TMEM63C: variants seen among roughly 807,000 people sequenced by gnomAD.
The protein encoded by TMEM63C is transmembrane protein 63C.
Under a neutral mutation model 99.2 loss-of-function variants are expected in TMEM63C, and 32 were observed. The observed-to-expected ratio is 0.32, with a 90% confidence interval of 0.24 to 0.43. The LOEUF (loss-of-function observed/expected upper bound fraction) is 0.43. TMEM63C is among the 20% of genes least tolerant of loss of function. TMEM63C has a pLI of 1.00. For synonymous variants in TMEM63C, 376 were observed against 397.9 expected, an observed-to-expected ratio of 0.94 and a Z score of 0.66; for missense variants, 826 against 1,053.0, an observed-to-expected ratio of 0.78 and a Z score of 2.98.
At chr14:77,256,483 C>A (rs754695178) in intron 23 of TMEM63C, 43 bp from the exon 24 acceptor site, 3 of 1,604,126 alleles carry the variant, frequency 1.9e-6, no homozygotes, top group Non-Finnish European at 2.6e-6. Context: ...GGCCTTGCCC[C>A]CAACGTGACC....
rs1889491219 is a variant in TMEM63C at position 77,257,618 on chromosome 14, A to G, written c.*892A>G. 6.6e-6 allele frequency: 1 copy of G among 152,190 alleles called. No individual in the cohort carries two copies. Among genetic ancestry groups the G allele is most frequent in the Non-Finnish European group, 1.5e-5 (1 of 68,046 alleles). The allele number at this position is 152,190 out of a possible 1,614,324, so 9.4% of individuals were successfully genotyped here. ...CCTCCCCAAGCCCCAGGGCCTAAAG[A>G]GAAGACCCCCGAAGCCAAAGATGTG... On this transcript the variant is annotated 3_prime_UTR_variant, in exon 24 of 24. Coordinates refer to ENST00000298351, the MANE Select transcript of TMEM63C (RefSeq NM_020431.4).
At chr14:77,188,515 A>G (rs1016066871) in intron 1 of TMEM63C, among the ~76,000 whole-genome samples, 1 of 152,218 alleles carries the variant, frequency 6.6e-6, no homozygotes, top group African/African-American at 2.4e-5. Context: ...AGAGAAACTC[A>G]CACATGTGCA....
At chr14:77,253,616 A>C (rs1889411355) in intron 23 of TMEM63C, among the ~76,000 whole-genome samples, 1 of 152,216 alleles carries the variant, frequency 6.6e-6, no homozygotes, top group Non-Finnish European at 1.5e-5. Context: ...ATTGTCTGGA[A>C]GGCACCTAGA....
intron 9 of TMEM63C, 116 bp downstream of exon 9, chr14:77,236,848 T>C: frequency 1.4e-6 from 1 of 726,806 alleles, no homozygotes; most frequent in Non-Finnish European, 2.4e-6. Context: ...CTGTGATAGA[T>C]GGGAGGGGGC....
chr14:77,240,714 C>T, intron 13 of TMEM63C, 106 bp downstream of exon 13: 1 of 1,392,918 alleles, frequency 7.2e-7, no homozygotes, highest in Non-Finnish European at 9.7e-7. Context: ...CCTGGGCCCT[C>T]CATGCTCGTC....
Position 77,248,992 on chromosome 14 carries a change from A to G in TMEM63C, c.1870+120A>G. ...GGGAGACCTGTGGTAGGGAGGGGTC[A>G]GGGCCAGGGCCAAGCTGGGGGTACA... On this transcript the variant is annotated intron_variant, in intron 20 of 23. Coordinates refer to ENST00000298351, the MANE Select transcript of TMEM63C (RefSeq NM_020431.4). The G allele has an allele frequency of 5.1e-6, 5 of 983,952 alleles. No homozygotes were observed. In the South Asian group the frequency reaches 6.7e-5, roughly 13 times the overall value. The allele number at this position is 983,952 out of a possible 1,614,324, so 61.0% of individuals were successfully genotyped here.
intron 7 of TMEM63C, 64 bp downstream of exon 7, chr14:77,231,794 T>C (rs1888948314): frequency 6.5e-7 from 1 of 1,537,096 alleles, no homozygotes; most frequent in Non-Finnish European, 8.8e-7. Context: ...GGCAAGCCAG[T>C]CAGGGCTGGG....
chr14:77,240,370 C>T (rs1594866591), intron 12 of TMEM63C, 105 bp from the exon 13 acceptor site: 1 of 1,387,382 alleles, frequency 7.2e-7, no homozygotes, highest in South Asian at 1.5e-5. Context: ...TGAGGTGCTT[C>T]AAGGCCACCA....
In TMEM63C at chr14:77,207,869, T is replaced by C. The variant is rs946553493; in HGVS notation, c.-76-5577T>C. 3.3e-5 allele frequency among the ~76,000 whole-genome samples: 5 copies of C among 152,244 alleles called. No homozygotes were observed. The East Asian group carries it at 9.6e-4, about 29-fold the overall frequency. On this transcript the variant is annotated intron_variant, in intron 1 of 23. Transcript: ENST00000298351. Reference sequence around the variant, plus strand: ...AGTATTCTCTATCAGCCTTTCCTTTTTTCAGTGTACTTCTGTCTTGAGCCT... The same window carrying C: ...AGTATTCTCTATCAGCCTTTCCTTTCTTCAGTGTACTTCTGTCTTGAGCCT...
Position 77,254,220 on chromosome 14 carries a change from A to G in TMEM63C, c.2220+844A>G, listed in dbSNP as rs141865728. On this transcript the variant is annotated intron_variant, in intron 23 of 23. Coordinates refer to ENST00000298351, the MANE Select transcript of TMEM63C (RefSeq NM_020431.4). ...GACCGGAGCTTGGGGGACTCAAGAC[A>G]GTTTTCGGCACGGTGGAAATGCGGA... 2.9e-3 allele frequency among the ~76,000 whole-genome samples: 438 copies of G among 152,322 alleles called. 1 individual carries two copies. Among genetic ancestry groups the G allele is most frequent in the South Asian group, 0.011 (52 of 4,826 alleles).
intron 6 of TMEM63C, among the ~76,000 whole-genome samples, chr14:77,230,681 C>T (rs393187): frequency 0.16 from 24,116 of 152,074 alleles, 2,223 homozygotes; most frequent in Non-Finnish European, 0.2. Flanking sequence ...TAACTAATGC[C>T]TGATGATCTG....
intron 21 of TMEM63C, among the ~76,000 whole-genome samples, chr14:77,250,237 T>A (rs1214393125): frequency 6.6e-6 from 1 of 152,162 alleles, no homozygotes; most frequent in African/African-American, 2.4e-5. Context: ...ACACAGCTAC[T>A]GCTCCTGCCC....
rs1419481867 is a variant in TMEM63C, at chr14:77,194,535, TTCTTTCTTTCTTTCTTTC to T, written c.-77+12657_-77+12674del. Among the ~76,000 whole-genome samples the T allele has an allele frequency of 2.2e-4, 7 of 31,756 alleles. 1 individual carries two copies. The highest frequency in any genetic ancestry group is 1.2e-3 in the African/African-American group (7 of 6,052). 20.8% of individuals were successfully genotyped at this position (31,756 alleles called of 152,430 possible). ...TTTCTTTCTTTCTTTCTTTCTTTCT[TTCTTTCTTTCTTTCTTTC>T]TCTTTCTTTCTTTCTGTCTTTCTTT... is the stretch of plus-strand genomic sequence containing the variant. On this transcript the variant is annotated intron_variant, in intron 1 of 23. Coordinates refer to ENST00000298351, the MANE Select transcript of TMEM63C (RefSeq NM_020431.4).
At chr14:77,216,127 G>A (rs201194869) in intron 2 of TMEM63C, among the ~76,000 whole-genome samples, 2 of 148,998 alleles carry the variant, frequency 1.3e-5, no homozygotes, top group East Asian at 3.9e-4. Flanking sequence ...AAGGAGGGAG[G>A]GAGAGAGAGA....
In TMEM63C at chr14:77,253,355, C is replaced by T. The variant is rs981661941; in HGVS notation, c.2199C>T (p.Thr733=). Residue 733 remains threonine, a synonymous_variant, in exon 23 of 24, where the codon ACC becomes ACT. Transcript: ENST00000298351. The stretch of plus-strand genomic sequence containing the variant: ...TGTTTGACATGGAGCCAAGCAGCAC[C>T]TCCTCCACGCCCACCTCCCTCGTGA... ...QTVFDMEPSS[T]SSTPTSLLYV... 3.1e-6 allele frequency: 5 copies of T among 1,612,280 alleles called. No homozygotes were observed. The highest frequency in any genetic ancestry group is 1.7e-5 in the Admixed American group (1 of 59,852).
chr14:77,246,372 G>C (rs1263990426), intron 17 of TMEM63C, among the ~76,000 whole-genome samples: 1 of 152,246 alleles, frequency 6.6e-6, no homozygotes, highest in Non-Finnish European at 1.5e-5. Flanking sequence ...AGAAATGTCT[G>C]CTTACAGTTT....
chr14:77,234,903 G>A (rs1188730220), intron 8 of TMEM63C, among the ~76,000 whole-genome samples: 1 of 152,186 alleles, frequency 6.6e-6, no homozygotes, highest in Non-Finnish European at 1.5e-5. Context: ...GGGGGCCTGA[G>A]CCACAGCAGT....
At chr14:77,219,699 G>A (rs1566622745) in intron 4 of TMEM63C, 122 bp downstream of exon 4, 2 of 1,023,584 alleles carry the variant, frequency 2.0e-6, no homozygotes, top group African/African-American at 1.6e-5. Context: ...AGTGGCCTCT[G>A]CCCCTGCTCT....
intron 1 of TMEM63C, among the ~76,000 whole-genome samples, chr14:77,197,038 G>A (rs1240918366): frequency 6.6e-6 from 1 of 152,216 alleles, no homozygotes; most frequent in Non-Finnish European, 1.5e-5. Flanking sequence ...TAGCATCTAA[G>A]TGAGGCTTTC....
Sources: allele counts gnomAD v4.1 joint callset (sites outside exome capture counted in the v4.1 genomes callset), GRCh38; gene constraint gnomAD v4.1.1; transcripts MANE v1.5; gene names NCBI Gene and HGNC (gene_info 2026-07-23, HGNC 2026-07-21).